The following SPAG17 variants were observed in gnomAD, a reference collection of about 807,000 sequenced individuals.
The protein encoded by SPAG17 is sperm-associated antigen 17.
In SPAG17, 169 loss-of-function variants were observed where a neutral mutation model predicts 273.6. That is an observed-to-expected ratio of 0.62 (90% confidence interval 0.55 to 0.70). SPAG17 has a LOEUF of 0.70. Ranked by LOEUF, SPAG17 falls within the 30% of genes least tolerant of loss-of-function variation. The pLI is 0.00. For missense variants in SPAG17, 2,557 were observed against 2,627.8 expected (o/e 0.97, Z 0.59); for synonymous variants, 825 against 873.2 (o/e 0.94, Z 0.97).
intron 43 of SPAG17, among the ~76,000 whole-genome samples, chr1:117,978,866 CTTCT>C (rs1376528422): frequency 1.5e-5 from 2 of 136,028 alleles, no homozygotes; most frequent in East Asian, 2.0e-4. Flanking sequence ...GCTTCTTCCT[CTTCT>C]TTTTTTTTTT....
intron 1 of SPAG17, among the ~76,000 whole-genome samples, chr1:118,167,074 T>A (rs1194096039): frequency 6.6e-6 from 1 of 152,164 alleles, no homozygotes; most frequent in Non-Finnish European, 1.5e-5. Flanking sequence ...TTTAATTACT[T>A]TATTGATACA....
chr1:118,039,690 T>C (rs1649515914), intron 22 of SPAG17, among the ~76,000 whole-genome samples: 1 of 152,140 alleles, frequency 6.6e-6, no homozygotes, highest in Admixed American at 6.6e-5. Flanking sequence ...CCGAGTACTC[T>C]GTTTATTACC....
chr1:118,054,983 T>TATTAACAAGG (rs1175915502), intron 19 of SPAG17, among the ~76,000 whole-genome samples: 2 of 152,128 alleles, frequency 1.3e-5, no homozygotes, highest in Non-Finnish European at 2.9e-5. Context: ...AAATGAATAT[T>TATTAACAAGG]ATTAACAAGG....
intron 28 of SPAG17, among the ~76,000 whole-genome samples, chr1:118,018,389 T>C (rs1439243044): frequency 6.6e-6 from 1 of 152,162 alleles, no homozygotes; most frequent in Non-Finnish European, 1.5e-5. Context: ...TAACCACAAG[T>C]AGATCCTTAT....
intron 3 of SPAG17, among the ~76,000 whole-genome samples, chr1:118,149,929 A>G (rs1283521458): frequency 6.6e-6 from 1 of 152,222 alleles, no homozygotes; most frequent in African/African-American, 2.4e-5. Flanking sequence ...TATACGGAGA[A>G]TGAGTCCTAC....
Position 117,981,306 on chromosome 1 carries a change from G to C in SPAG17, c.5968C>G (p.Gln1990Glu). 6.3e-7 allele frequency: 1 copy of C among 1,593,380 alleles called. No homozygotes were observed. The highest frequency in any genetic ancestry group is 8.5e-7 in the Non-Finnish European group (1 of 1,175,100). ...ISADKKDFTA[Q>E]NQTENLTKSP... ...TTTGTTAAATTTTCAGTTTGGTTCT[G>C]AGCAGTGAAATCCTTCTTATCTGCA... Residue 1990 changes from glutamine to glutamate, a missense_variant, in exon 43 of 49, where the codon CAG becomes GAG. Transcript: ENST00000336338.
At chr1:118,074,159 C>A (rs1480996756) in intron 16 of SPAG17, among the ~76,000 whole-genome samples, 192 bp from the exon 17 acceptor site, 1 of 151,700 alleles carries the variant, frequency 6.6e-6, no homozygotes, top group African/African-American at 2.4e-5. Context: ...TTTTTATGGG[C>A]AACATAATCT....
intron 28 of SPAG17, among the ~76,000 whole-genome samples, chr1:118,022,571 G>A (rs901820725): frequency 2.6e-5 from 4 of 152,152 alleles, no homozygotes; most frequent in Non-Finnish European, 4.4e-5. Flanking sequence ...AGGGTATGAG[G>A]AAGTAGACAT....
rs1328521146 is a variant in SPAG17 at position 118,031,829 on chromosome 1, G to A, written c.3472C>T (p.Pro1158Ser). The change falls in exon 25 of 49, where the codon CCT (proline) becomes TCT (serine). Residue 1158 changes from proline to serine, a missense_variant. Transcript: ENST00000336338. The part of the protein sequence containing the change: ...DPDLETILNI[P>S]SALTPTVVPV... ...ACCACTGTTGGAGTGAGTGCTGAAG[G>A]GATATTCAATATTGTTTCTAAATCA... 4 of 1,608,850 alleles carry A rather than the reference G, an allele frequency of 2.5e-6. No individual in the cohort carries two copies. The Admixed American group carries it at 5.0e-5, about 20-fold the overall frequency.
chr1:118,158,189 A>G (rs1306346052), intron 1 of SPAG17, among the ~76,000 whole-genome samples: 2 of 152,236 alleles, frequency 1.3e-5, no homozygotes, highest in Non-Finnish European at 2.9e-5. Context: ...TTTCAGAGCC[A>G]TGGAAGAGAA....
intron 15 of SPAG17, among the ~76,000 whole-genome samples, chr1:118,077,118 A>G (rs1372864108): frequency 6.6e-6 from 1 of 152,212 alleles, no homozygotes; most frequent in Non-Finnish European, 1.5e-5. Context: ...TTGTGCAGGA[A>G]ATACATGAAT....
chr1:118,085,927 GTA>G lies in SPAG17; in HGVS notation c.1755_1756del (p.Thr586GlufsTer2), dbSNP rs770772018. ...AGACAAAGCAATGGACTCACCACTCGTACAAAAGTGCATAAGCTCATGAATTG... is the reference window on the plus strand; with the variant it reads ...AGACAAAGCAATGGACTCACCACTCGCAAAAGTGCATAAGCTCATGAATTG... On this transcript the variant is annotated frameshift_variant, in exon 13 of 49. Coordinates refer to ENST00000336338, the MANE Select transcript of SPAG17 (RefSeq NM_206996.4). LOFTEE classifies it high-confidence loss of function. 1.7e-5 allele frequency: 27 copies of G among 1,602,808 alleles called. No individual in the cohort carries two copies. In the African/African-American group the frequency reaches 3.4e-4, roughly 20 times the overall value.
intron 43 of SPAG17, among the ~76,000 whole-genome samples, chr1:117,980,449 C>T (rs762647112): frequency 7.2e-5 from 11 of 152,172 alleles, no homozygotes; most frequent in Non-Finnish European, 1.6e-4. Context: ...CCAGTCTGGT[C>T]TTGCACTCCC....
Position 118,129,747 on chromosome 1 carries a change from GTTT to G in SPAG17, c.316-14309_316-14307del, listed in dbSNP as rs1044311180. ...TTCCCTTTCTTTTCTTTCCTTCTTTGTTTTTTTCTTTTTCTTTCTTTCCTTCTT... is the reference window on the plus strand; with the variant it reads ...TTCCCTTTCTTTTCTTTCCTTCTTTGTTTTCTTTTTCTTTCTTTCCTTCTT... On this transcript the variant is annotated intron_variant, in intron 3 of 48. Transcript: ENST00000336338. Among the ~76,000 whole-genome samples, 2 of 112,944 alleles carry G rather than the reference GTTT, an allele frequency of 1.8e-5. 1 individual carries two copies. Among genetic ancestry groups the G allele is most frequent in the Middle Eastern group, 9.3e-3 (2 of 214 alleles). 74.1% of individuals were successfully genotyped at this position (112,944 alleles called of 152,430 possible). A position where few individuals can be genotyped will look rare whatever the true frequency, so the allele number is the denominator to read the frequency against.
chr1:118,089,354 T>TGTGA (rs1207965049), intron 10 of SPAG17, among the ~76,000 whole-genome samples: 1 of 150,628 alleles, frequency 6.6e-6, no homozygotes, highest in East Asian at 2.0e-4. Context: ...TGTGTGTGTG[T>TGTGA]GGTGGCAGGT....
At chr1:118,025,730 G>A (rs1174745614) in intron 26 of SPAG17, among the ~76,000 whole-genome samples, 2 of 152,054 alleles carry the variant, frequency 1.3e-5, no homozygotes, top group African/African-American at 4.8e-5. Flanking sequence ...GGCCTCAAGC[G>A]ATCCTCCCAC....
At chr1:118,168,893 T>G (rs1660293275) in intron 1 of SPAG17, among the ~76,000 whole-genome samples, 1 of 152,170 alleles carries the variant, frequency 6.6e-6, no homozygotes, top group African/African-American at 2.4e-5. Flanking sequence ...ATAGTCAGCA[T>G]GTACCTGGGG....
intron 3 of SPAG17, among the ~76,000 whole-genome samples, chr1:118,126,439 T>G (rs986754222): frequency 1.1e-4 from 16 of 151,900 alleles, no homozygotes; most frequent in Non-Finnish European, 1.5e-5. Context: ...GGTCTCGATA[T>G]CCTGACCTTG....
chr1:118,166,782 T>C (rs1161824313), intron 1 of SPAG17, among the ~76,000 whole-genome samples: 1 of 152,234 alleles, frequency 6.6e-6, no homozygotes, highest in Non-Finnish European at 1.5e-5. Context: ...AAATTTTGCA[T>C]GTTAAATATT....
Sources: allele counts gnomAD v4.1 joint callset (sites outside exome capture counted in the v4.1 genomes callset), GRCh38; gene constraint gnomAD v4.1.1; transcripts MANE v1.5; gene names NCBI Gene and HGNC (gene_info 2026-07-23, HGNC 2026-07-21).